The following HYOU1 variants were observed in gnomAD, a reference collection of about 807,000 sequenced individuals.
HYOU1 encodes the protein hypoxia up-regulated 1.
HYOU1 carries 40 observed loss-of-function variants against 120.5 expected under a neutral mutation model. The ratio of observed to expected loss-of-function variants is 0.33; its 90% CI spans 0.26 to 0.43. The LOEUF is 0.43. HYOU1 is among the 20% of genes least tolerant of loss of function. The pLI, the probability that HYOU1 is intolerant of heterozygous loss-of-function variation, is 1.00. For missense variants in HYOU1, 1,085 were observed against 1,278.3 expected (o/e 0.85, Z 2.31); for synonymous variants, 501 against 479.4 (o/e 1.05, Z -0.59).
At chr11:119,047,081 A>G in intron 22 of HYOU1, 1 of 329,916 alleles carries the variant, frequency 3.0e-6, no homozygotes, top group Non-Finnish European at 5.6e-6. Context: ...TTTGAGACGG[A>G]GTCTCGCTCT....
Position 119,057,075 on chromosome 11 carries a change from C to T in HYOU1, c.-63G>A, listed in dbSNP as rs2133619799. 4 of 152,264 alleles carry T rather than the reference C, an allele frequency of 2.6e-5. No homozygotes were observed. The highest frequency in any genetic ancestry group is 5.9e-5 in the Non-Finnish European group (4 of 68,142). The allele number at this position is 152,264 out of a possible 1,614,324, so 9.4% of individuals were successfully genotyped here. A position where few individuals can be genotyped will look rare whatever the true frequency, so the allele number is the denominator to read the frequency against. ...TGGGACAGACGCGGCACGAACGTACCCACGAGGCCGGCAGCGCCCCCCACC... is the reference window on the plus strand; with the variant it reads ...TGGGACAGACGCGGCACGAACGTACTCACGAGGCCGGCAGCGCCCCCCACC... On this transcript the variant is annotated 5_prime_UTR_variant, in exon 1 of 26. Transcript: ENST00000617285.
chr11:119,046,385 C>T (rs1235820470), intron 24 of HYOU1, 32 bp downstream of exon 24: 1 of 1,611,502 alleles, frequency 6.2e-7, no homozygotes, highest in African/African-American at 1.3e-5. Context: ...AATGCAACAT[C>T]CACGTGCTCA....
In HYOU1 at chr11:119,055,652, C is replaced by G. The variant is rs1455437988; in HGVS notation, c.186-81G>C. 1 of 1,502,912 alleles carries G rather than the reference C, an allele frequency of 6.7e-7. No homozygotes were observed. The highest frequency in any genetic ancestry group is 1.4e-5 in the African/African-American group (1 of 72,678). The allele number at this position is 1,502,912 out of a possible 1,614,324, so 93.1% of individuals were successfully genotyped here. A position where few individuals can be genotyped will look rare whatever the true frequency, so the allele number is the denominator to read the frequency against. Reference sequence around the variant, plus strand: ...CGACACTCACACACATTTAACCACTCAGATGCCGAAGTCTGCTGTGGGCAC... The same window carrying G: ...CGACACTCACACACATTTAACCACTGAGATGCCGAAGTCTGCTGTGGGCAC... On this transcript the variant is annotated intron_variant, in intron 3 of 25. Coordinates refer to ENST00000617285, the MANE Select transcript of HYOU1 (RefSeq NM_006389.5). This position sits in a 1 kb window ranked among gnomAD's most constrained non-coding sequence, Gnocchi z 4.0.
In HYOU1 at chr11:119,051,186, G is replaced by A. The variant is rs2133583243; in HGVS notation, c.1527-13C>T. The A allele has an allele frequency of 5.0e-6, 8 of 1,614,094 alleles. No homozygotes were observed. The Admixed American group carries it at 1.2e-4, about 24-fold the overall frequency. On this transcript the variant is annotated splice_polypyrimidine_tract_variant and intron_variant, in intron 13 of 25. Coordinates refer to ENST00000617285, the MANE Select transcript of HYOU1 (RefSeq NM_006389.5). This position sits in a 1 kb window ranked among gnomAD's most constrained non-coding sequence, Gnocchi z 4.2. The stretch of plus-strand genomic sequence containing the variant: ...GGAGCCAAATACCCTGGTTGGGAAG[G>A]AAAGAGGAGTTCAGGGGGACCCACC...
rs1269039236 is a variant in HYOU1, at chr11:119,052,992, C to T, written c.795-163G>A. On this transcript the variant is annotated intron_variant, in intron 8 of 25. Transcript: ENST00000617285. This position sits in a 1 kb window ranked among gnomAD's most constrained non-coding sequence, Gnocchi z 5.0. ...CACACACTCTGCCCTCAACTCTCTA[C>T]AGCACAGCTGACACCTCGCAGTGAC... 4 of 633,784 alleles carry T rather than the reference C, an allele frequency of 6.3e-6. No individual in the cohort carries two copies. Among genetic ancestry groups the T allele is most frequent in the Non-Finnish European group, 1.1e-5 (4 of 372,348 alleles). The allele number at this position is 633,784 out of a possible 1,614,324, so 39.3% of individuals were successfully genotyped here.
At position 119,047,949 on chromosome 11, in the gene HYOU1, G is replaced by C; in HGVS notation, c.2508C>G (p.Leu836=). Reference sequence around the variant, plus strand: ...AAAAGGGTTCAGGGGCTGCTCACTTGAGGAACATGCTGGAATGGTTGAGGA... The same window carrying C: ...AAAAGGGTTCAGGGGCTGCTCACTTCAGGAACATGCTGGAATGGTTGAGGA... ...DNLLNHSSMF[L]KGARLIPEMD... is the part of the protein sequence containing the mutation. Residue 836 remains leucine (L), a splice_region_variant and synonymous_variant, in exon 21 of 26, where the codon CTC becomes CTG. Coordinates refer to ENST00000617285, the MANE Select transcript of HYOU1 (RefSeq NM_006389.5). 1 of 1,614,208 alleles carries C rather than the reference G, an allele frequency of 6.2e-7. No homozygotes were observed. Among genetic ancestry groups the C allele is most frequent in the Non-Finnish European group, 8.5e-7 (1 of 1,180,032 alleles).
chr11:119,046,389 G>A lies in HYOU1; in HGVS notation c.2887+28C>T, dbSNP rs2133549499. The A allele has an allele frequency of 1.6e-5, 25 of 1,611,364 alleles. No individual in the cohort carries two copies. The East Asian group carries it at 1.6e-4, about 10-fold the overall frequency. On this transcript the variant is annotated intron_variant, in intron 24 of 25. Transcript: ENST00000617285. ...ACCCCTGGGCTAATGCAACATCCAC[G>A]TGCTCAACCATGGTTGCTCCAACTC... is the stretch of plus-strand genomic sequence containing the variant.
Position 119,051,973 on chromosome 11 carries a change from G to A in HYOU1, c.1206-22C>T. ...CTCCCTGGGAAAGCCCCAAGCCTCA[G>A]CACGGTCTACCCTGGAGCATGCAAC... On this transcript the variant is annotated intron_variant, in intron 11 of 25. Coordinates refer to ENST00000617285, the MANE Select transcript of HYOU1 (RefSeq NM_006389.5). The surrounding 1 kb of genome is among the most constrained non-coding windows in gnomAD (Gnocchi z 4.2). 6.2e-7 allele frequency: 1 copy of A among 1,614,034 alleles called. No individual in the cohort carries two copies. The highest frequency in any genetic ancestry group is 2.2e-5 in the East Asian group (1 of 44,860).
intron 8 of HYOU1, chr11:119,053,877 G>T: frequency 2.4e-6 from 1 of 417,334 alleles, no homozygotes; most frequent in Non-Finnish European, 4.3e-6. Context: ...TATTGCCTGC[G>T]GCTCCATGGA....
Position 119,051,213 on chromosome 11 carries a change from CAGCCCAT to C in HYOU1, c.1527-47_1527-41del, listed in dbSNP as rs1944417796. On this transcript the variant is annotated intron_variant, in intron 13 of 25. Transcript: ENST00000617285. The surrounding 1 kb of genome is among the most constrained non-coding windows in gnomAD (Gnocchi z 4.2). ...AAGAGGAGTTCAGGGGGACCCACCC[CAGCCCAT>C]CTCGCCCTCTAGACTACATGGCCTC... 1 of 1,611,672 alleles carries C rather than the reference CAGCCCAT, an allele frequency of 6.2e-7. No homozygotes were observed. Among genetic ancestry groups the C allele is most frequent in the Non-Finnish European group, 8.5e-7 (1 of 1,178,610 alleles).
Position 119,051,248 on chromosome 11 carries a change from G to A in HYOU1, c.1527-75C>T. On this transcript the variant is annotated intron_variant, in intron 13 of 25. Coordinates refer to ENST00000617285, the MANE Select transcript of HYOU1 (RefSeq NM_006389.5). This position sits in a 1 kb window ranked among gnomAD's most constrained non-coding sequence, Gnocchi z 4.2. The stretch of plus-strand genomic sequence containing the variant: ...CGCCCTCTAGACTACATGGCCTCCT[G>A]GCACAAGGTGTCAGGGGCACTCCCC... 1 of 1,586,712 alleles carries A rather than the reference G, an allele frequency of 6.3e-7. No individual in the cohort carries two copies. The highest frequency in any genetic ancestry group is 2.2e-5 in the East Asian group (1 of 44,738).
intron 23 of HYOU1, 26 bp from the exon 24 acceptor site, chr11:119,046,493 T>C (rs2133550374): frequency 1.3e-5 from 21 of 1,613,958 alleles, no homozygotes; most frequent in African/African-American, 1.2e-4. Context: ...GGGTAAGACA[T>C]AGCCTCAGGA....
At position 119,052,432 on chromosome 11, in the gene HYOU1, G is replaced by A; in HGVS notation, c.988-3C>T. ...ACATCATCCATCAGGCCTTCAATCT[G>A]GGAGAGGATGGGGACTGTCAGGGGG... On this transcript the variant is annotated splice_region_variant and splice_polypyrimidine_tract_variant and intron_variant, in intron 9 of 25. Transcript: ENST00000617285. The surrounding 1 kb of genome is among the most constrained non-coding windows in gnomAD (Gnocchi z 5.0). 1.2e-6 allele frequency: 2 copies of A among 1,614,142 alleles called. No homozygotes were observed. The highest frequency in any genetic ancestry group is 1.3e-5 in the African/African-American group (1 of 75,048).
At position 119,056,132 on chromosome 11, in the gene HYOU1, G is replaced by T; in HGVS notation, c.29C>A (p.Pro10Gln). Reference sequence around the variant, plus strand: ...CAAGGCCCAACAGACTCGCCTCCTCGGCCTCTGCCTCCTAACTTTGTCTGC... The same window carrying T: ...CAAGGCCCAACAGACTCGCCTCCTCTGCCTCTGCCTCCTAACTTTGTCTGC... MADKVRRQR[P>Q]RRRVCWALVA... Residue 10 changes from proline to glutamine, a missense_variant, in exon 2 of 26, where the codon CCG (proline) becomes CAG (glutamine). By Grantham distance (76) the Pro-to-Gln change is moderately conservative. Transcript: ENST00000617285. 1 of 1,613,986 alleles carries T rather than the reference G, an allele frequency of 6.2e-7. No individual in the cohort carries two copies. The highest frequency in any genetic ancestry group is 8.5e-7 in the Non-Finnish European group (1 of 1,180,014).
chr11:119,047,370 A>G, intron 22 of HYOU1: 1 of 259,682 alleles, frequency 3.9e-6, no homozygotes, highest in Non-Finnish European at 7.5e-6. Context: ...TTGACTCTCC[A>G]CTTTACTGAG....
At position 119,048,852 on chromosome 11, in the gene HYOU1, C is replaced by A. The variant is rs1375834839; in HGVS notation, c.2027G>T (p.Gly676Val). 5.6e-6 allele frequency: 9 copies of A among 1,611,024 alleles called. No individual in the cohort carries two copies. In the African/African-American group the frequency reaches 6.7e-5, roughly 12 times the overall value. Reference sequence around the variant, plus strand: ...CTCTCCCTCTGGGGCTGGAGCGACGCCCTCAGGCCCTGCCTCTGCCTTCTC... The same window carrying A: ...CTCTCCCTCTGGGGCTGGAGCGACGACCTCAGGCCCTGCCTCTGCCTTCTC... Reference protein sequence around the residue: ...PSEKAEAGPEGVAPAPEGEKK... With the variant: ...PSEKAEAGPEVVAPAPEGEKK... The change falls in exon 18 of 26, where the codon GGC (glycine) becomes GTC (valine). Residue 676 changes from glycine to valine, a missense_variant. Transcript: ENST00000617285. This position sits in a 1 kb window ranked among gnomAD's most constrained non-coding sequence, Gnocchi z 4.7.
In HYOU1 at chr11:119,055,312, G is replaced by A. The variant is rs142005296; in HGVS notation, c.292C>T (p.Arg98Cys). The A allele has an allele frequency of 2.0e-5, 32 of 1,613,790 alleles. No individual in the cohort carries two copies. Among genetic ancestry groups the A allele is most frequent in the Admixed American group, 5.0e-5 (3 of 59,982 alleles). The change falls in exon 5 of 26, where the codon CGT becomes TGT. Residue 98 changes from arginine (R) to cysteine (C), a missense_variant. By Grantham distance (180) the Arg-to-Cys change is radical. Around this residue, in one of 4 missense-constraint regions of HYOU1, gnomAD observed 515 missense variants for 677.8 expected, o/e 0.76. Coordinates refer to ENST00000617285, the MANE Select transcript of HYOU1 (RefSeq NM_006389.5). The surrounding 1 kb of genome is among the most constrained non-coding windows in gnomAD (Gnocchi z 4.0). ...TTCCCCAGGAGGTGCTGGAAGTAAC[G>A]TAGCGTAGCCTTTGGATTCTTAATC... Reference protein sequence around the residue: ...MAIKNPKATLRYFQHLLGKQA... With the variant: ...MAIKNPKATLCYFQHLLGKQA...
In HYOU1 at chr11:119,055,479, G is replaced by C; in HGVS notation, c.264+14C>G. ...CTCTGCCCACCACTCTGGGAAGAGG[G>C]ACTGCTAGCTCACCATGCTTGCTGC... is the stretch of plus-strand genomic sequence containing the variant. On this transcript the variant is annotated intron_variant, in intron 4 of 25. Transcript: ENST00000617285. The surrounding 1 kb of genome is among the most constrained non-coding windows in gnomAD (Gnocchi z 4.0). The C allele has an allele frequency of 2.5e-6, 4 of 1,612,810 alleles. No homozygotes were observed. The South Asian group carries it at 4.4e-5, about 18-fold the overall frequency.
Position 119,049,061 on chromosome 11 carries a change from T to C in HYOU1, c.1949A>G (p.Glu650Gly). Residue 650 changes from glutamate to glycine, a missense_variant, in exon 17 of 26, where the codon GAA becomes GGA. Physicochemically the swap from Glu to Gly is moderately conservative, Grantham distance 98. Coordinates refer to ENST00000617285, the MANE Select transcript of HYOU1 (RefSeq NM_006389.5). ...CCCATTTTCTTTTTCTGTGGCCTTTTCTCCCTCAGGGGTTGCATCTCCCTT... is the reference window on the plus strand; with the variant it reads ...CCCATTTTCTTTTTCTGTGGCCTTTCCTCCCTCAGGGGTTGCATCTCCCTT... ...EPKGDATPEG[E>G]KATEKENGDK... 6.2e-7 allele frequency: 1 copy of C among 1,614,198 alleles called. No individual in the cohort carries two copies. Among genetic ancestry groups the C allele is most frequent in the Non-Finnish European group, 8.5e-7 (1 of 1,180,032 alleles).
Sources: gnomAD v4.1 joint callset for allele counts on GRCh38, gnomAD v4.1.1 for gene constraint, gnomAD v4.1.1 regional missense constraint, Gnocchi (gnomAD v3.1) non-coding constraint, MANE v1.5 for transcripts, NCBI Gene and HGNC (gene_info 2026-07-23, HGNC 2026-07-21) for gene names.